The following FGF14 variants were observed in gnomAD, a reference collection of about 807,000 sequenced individuals.
FGF14 encodes fibroblast growth factor homologous factor 4.
Under a neutral mutation model 25.5 loss-of-function variants are expected in FGF14, and 5 were observed. That is an observed-to-expected ratio of 0.20 (90% CI 0.10 to 0.41). FGF14 has a LOEUF of 0.41. Among genes scored for constraint, FGF14 ranks in the 10% least tolerant of loss-of-function variants. FGF14 has a pLI of 1.00. For missense variants in FGF14, 222 were observed against 320.1 expected (o/e 0.69, Z 2.34); for synonymous variants, 138 against 118.3 (o/e 1.17, Z -1.08).
At chr13:101,733,080 G>A (rs191890490) in intron 3 of FGF14, among the ~76,000 whole-genome samples, 15 of 152,172 alleles carry the variant, frequency 9.9e-5, no homozygotes, top group Admixed American at 6.5e-4. Context: ...AAAGAATATC[G>A]TGAACTTTTA....
chr13:101,853,312 G>A (rs2043952900), intron 3 of FGF14, among the ~76,000 whole-genome samples: 1 of 151,904 alleles, frequency 6.6e-6, no homozygotes, highest in Non-Finnish European at 1.5e-5. Context: ...GCAAGGAAAG[G>A]GACTGACAGT....
At chr13:101,963,414 A>T (rs553218632) in intron 1 of FGF14, among the ~76,000 whole-genome samples, 1 of 152,000 alleles carries the variant, frequency 6.6e-6, no homozygotes, top group East Asian at 1.9e-4. Flanking sequence ...ATGCCTCCAA[A>T]TGGTCCCTCT....
intron 1 of FGF14, among the ~76,000 whole-genome samples, chr13:102,037,504 T>C (rs1182417681): frequency 1.3e-5 from 2 of 152,062 alleles, no homozygotes; most frequent in Non-Finnish European, 2.9e-5. Context: ...GCTTGGATAA[T>C]CCAGGAAAAT....
intron 1 of FGF14, among the ~76,000 whole-genome samples, chr13:102,386,520 T>C (rs2058307233): frequency 6.6e-6 from 1 of 152,226 alleles, no homozygotes; most frequent in South Asian, 2.1e-4. Context: ...ACATTAAAAC[T>C]GTAACACTAA....
chr13:102,268,148 T>G lies in FGF14; in HGVS notation c.208+133323A>C, dbSNP rs558017212. Among the ~76,000 whole-genome samples the G allele has an allele frequency of 2.0e-4, 31 of 152,206 alleles. No homozygotes were observed. The South Asian group carries it at 6.2e-3, about 31-fold the overall frequency. On this transcript the variant is annotated intron_variant, in intron 1 of 4. Transcript: ENST00000376131. ...AAACATCCTTAAGGACACAAAAATGTGAGCACTTTGAGGACAAAATCTTGG... is the reference window on the plus strand; with the variant it reads ...AAACATCCTTAAGGACACAAAAATGGGAGCACTTTGAGGACAAAATCTTGG...
intron 1 of FGF14, among the ~76,000 whole-genome samples, chr13:102,145,245 C>T (rs1379029844): frequency 2.6e-5 from 4 of 152,042 alleles, no homozygotes; most frequent in Non-Finnish European, 1.5e-5. Flanking sequence ...GTTTTTTTGG[C>T]AATGATTGAT....
At chr13:102,088,816 T>C (rs777870237) in intron 1 of FGF14, among the ~76,000 whole-genome samples, 1 of 152,132 alleles carries the variant, frequency 6.6e-6, no homozygotes, top group African/African-American at 2.4e-5. Context: ...AGAAAATGCT[T>C]GCCGTAGGTC....
chr13:101,860,379 C>T (rs929190797), intron 3 of FGF14, among the ~76,000 whole-genome samples: 1 of 151,944 alleles, frequency 6.6e-6, no homozygotes, highest in Non-Finnish European at 1.5e-5. Flanking sequence ...AAAAGGTGAG[C>T]TCTATGTATG....
intron 1 of FGF14, among the ~76,000 whole-genome samples, chr13:102,235,418 G>T (rs374385965): frequency 1.3e-5 from 2 of 152,154 alleles, no homozygotes; most frequent in African/African-American, 4.8e-5. Flanking sequence ...TCAAAGTTTG[G>T]TCTGTGAGCC....
At chr13:101,917,084 G>A (rs1434408312), upstream of FGF14, among the ~76,000 whole-genome samples, 1 of 151,480 alleles carries the variant, frequency 6.6e-6, no homozygotes, top group Non-Finnish European at 1.5e-5. Context: ...CTGGAGGGCG[G>A]GTCCCGGCAG....
In FGF14 at chr13:102,327,859, C is replaced by CAA. The variant is rs68138633; in HGVS notation, c.208+73610_208+73611dup. Among the ~76,000 whole-genome samples, 251 of 121,776 alleles carry CAA rather than the reference C, an allele frequency of 2.1e-3. 1 individual carries two copies. The highest frequency in any genetic ancestry group is 5.8e-3 in the African/African-American group (177 of 30,592). 79.9% of individuals were successfully genotyped at this position (121,776 alleles called of 152,430 possible). On this transcript the variant is annotated intron_variant, in intron 1 of 4. Transcript: ENST00000376131. The stretch of plus-strand genomic sequence containing the variant: ...CCAAAAAAACAGAACAAAAAACAAA[C>CAA]AAAAAAAAAGGATATCAAGAATTGA...
intron 1 of FGF14, among the ~76,000 whole-genome samples, chr13:102,042,578 C>T (rs2041794578): frequency 6.6e-6 from 1 of 152,030 alleles, no homozygotes; most frequent in Non-Finnish European, 1.5e-5. Flanking sequence ...CCAAAAATGT[C>T]TAGAATGAAT....
chr13:101,723,053 G>A (rs1314719282), intron 4 of FGF14, 86 bp from the exon 5 acceptor site: 26 of 1,503,992 alleles, frequency 1.7e-5, no homozygotes, highest in Non-Finnish European at 2.4e-5. Flanking sequence ...ATAGACCACT[G>A]CAGTTTGCCC....
At chr13:101,928,960 G>T (rs559020838) in intron 1 of FGF14, among the ~76,000 whole-genome samples, 16 of 152,178 alleles carry the variant, frequency 1.1e-4, no homozygotes, top group African/African-American at 2.9e-4. Flanking sequence ...TGCAAAATAG[G>T]CCTCGCTTGG....
At chr13:102,264,748 T>G (rs1262322731) in intron 1 of FGF14, among the ~76,000 whole-genome samples, 1 of 152,104 alleles carries the variant, frequency 6.6e-6, no homozygotes, top group Non-Finnish European at 1.5e-5. Flanking sequence ...TCAGAGAAGT[T>G]TCCCTCAGAG....
At chr13:101,825,540 C>T (rs775157300) in intron 3 of FGF14, among the ~76,000 whole-genome samples, 130 of 152,144 alleles carry the variant, frequency 8.5e-4, no homozygotes, top group Non-Finnish European at 1.3e-3. Context: ...ACTGTGATAC[C>T]TCCTATCTTA....
chr13:102,389,924 A>G (rs1334925399), intron 1 of FGF14, among the ~76,000 whole-genome samples: 3 of 152,224 alleles, frequency 2.0e-5, no homozygotes, highest in African/African-American at 7.2e-5. Flanking sequence ...ACTGCAGCAG[A>G]CTAGCAAGCT....
At chr13:102,257,236 A>G (rs2052484785) in intron 1 of FGF14, among the ~76,000 whole-genome samples, 1 of 151,968 alleles carries the variant, frequency 6.6e-6, no homozygotes, top group Non-Finnish European at 1.5e-5. Context: ...ATTACCTCCA[A>G]TAATAGGGAC....
intron 1 of FGF14, among the ~76,000 whole-genome samples, chr13:102,047,924 T>C (rs2042061156): frequency 6.6e-6 from 1 of 152,044 alleles, no homozygotes; most frequent in South Asian, 2.1e-4. Flanking sequence ...AAAAATACAT[T>C]TTTATGAGAA....
Sources: allele counts gnomAD v4.1 joint callset (sites outside exome capture counted in the v4.1 genomes callset), GRCh38; gene constraint gnomAD v4.1.1; transcripts MANE v1.5; gene names NCBI Gene and HGNC (gene_info 2026-07-23, HGNC 2026-07-21).